The following LTBP2 variants were observed in gnomAD, a reference collection of about 807,000 sequenced individuals.
The protein encoded by LTBP2 is latent transforming growth factor beta binding protein 2, also known as latent-transforming growth factor beta-binding protein 2.
Under a neutral mutation model 210.6 loss-of-function variants are expected in LTBP2, and 103 were observed. The ratio of observed to expected loss-of-function variants is 0.49; its 90% CI spans 0.42 to 0.58. The LOEUF (loss-of-function observed/expected upper bound fraction) is 0.58, where lower values mean the gene tolerates loss of function less well. Ranked by LOEUF, LTBP2 falls within the 20% of genes least tolerant of loss-of-function variation. The pLI, the probability that LTBP2 is intolerant of heterozygous loss-of-function variation, is 0.00. For synonymous variants in LTBP2, 1,007 were observed against 1,015.0 expected (o/e 0.99, Z 0.15); for missense variants, 2,313 against 2,494.5 (o/e 0.93, Z 1.55).
At chr14:74,508,203 G>T in intron 24 of LTBP2, 108 bp from the exon 25 acceptor site, 1 of 1,382,512 alleles carries the variant, frequency 7.2e-7, no homozygotes, top group Non-Finnish European at 1.0e-6. Flanking sequence ...GTCAGGGAGT[G>T]GCTTATGTAG....
Position 74,612,234 on chromosome 14 carries a change from T to C in LTBP2, c.-290A>G, listed in dbSNP as rs1326780614. 1 of 413,606 alleles carries C rather than the reference T, an allele frequency of 2.4e-6. No homozygotes were observed. Among genetic ancestry groups the C allele is most frequent in the Non-Finnish European group, 4.3e-6 (1 of 234,038 alleles). 25.6% of individuals were successfully genotyped at this position (413,606 alleles called of 1,614,324 possible). A position where few individuals can be genotyped will look rare whatever the true frequency, so the allele number is the denominator to read the frequency against. On this transcript the variant is annotated 5_prime_UTR_variant, in exon 1 of 36. Transcript: ENST00000261978. ...GAAGGGGACCCGGACGGTTTTATTT[T>C]TGGAAACCTCCCCCGGCTTTTTCGT...
At chr14:74,545,447 T>C (rs1368533112) in intron 8 of LTBP2, among the ~76,000 whole-genome samples, 4 of 152,182 alleles carry the variant, frequency 2.6e-5, no homozygotes, top group Non-Finnish European at 5.9e-5. Flanking sequence ...AGCAAGAGAA[T>C]CTGTTCTCCC....
Position 74,611,739 on chromosome 14 carries a change from T to C in LTBP2, c.206A>G (p.Tyr69Cys). The C allele has an allele frequency of 6.2e-7, 1 of 1,604,324 alleles. No homozygotes were observed. The highest frequency in any genetic ancestry group is 8.5e-7 in the Non-Finnish European group (1 of 1,178,866). Reference protein sequence around the residue: ...SYPAAAAAKVYSLFREQDAPV... With the variant: ...SYPAAAAAKVCSLFREQDAPV... Reference sequence around the variant, plus strand: ...CGCGTCCTGCTCCCGGAACAGACTGTACACCTTGGCTGCAGCCGCTGCCGG... The same window carrying C: ...CGCGTCCTGCTCCCGGAACAGACTGCACACCTTGGCTGCAGCCGCTGCCGG... The change falls in exon 1 of 36, where the codon TAC becomes TGC. Residue 69 changes from tyrosine (Y) to cysteine (C), a missense_variant. Tyr to Cys is a radical substitution (Grantham distance 194). Coordinates refer to ENST00000261978, the MANE Select transcript of LTBP2 (RefSeq NM_000428.3).
Position 74,506,077 on chromosome 14 carries a change from T to A in LTBP2, c.4148A>T (p.Glu1383Val). Residue 1383 changes from glutamate to valine, a missense_variant, in exon 28 of 36, where the codon GAG (glutamate) becomes GTG (valine). Coordinates refer to ENST00000261978, the MANE Select transcript of LTBP2 (RefSeq NM_000428.3). ...ASDLEEYDAQEGHCRPRGAGG... is the reference protein window; with the variant it reads ...ASDLEEYDAQVGHCRPRGAGG... ...AGCCCCCCGTGGGCGGCAGTGCCCC[T>A]CCTGGGCATCGTACTCCTCCAGGTC... 1.2e-6 allele frequency: 2 copies of A among 1,614,108 alleles called. No homozygotes were observed. The highest frequency in any genetic ancestry group is 1.7e-6 in the Non-Finnish European group (2 of 1,180,012).
chr14:74,500,632 G>T lies in LTBP2; in HGVS notation c.*252C>A. The T allele has an allele frequency of 1.7e-6, 1 of 575,014 alleles. No individual in the cohort carries two copies. 35.6% of individuals were successfully genotyped at this position (575,014 alleles called of 1,614,324 possible). A position where few individuals can be genotyped will look rare whatever the true frequency, so the allele number is the denominator to read the frequency against. On this transcript the variant is annotated 3_prime_UTR_variant, in exon 36 of 36. Coordinates refer to ENST00000261978, the MANE Select transcript of LTBP2 (RefSeq NM_000428.3). ...AGCATCCCATAGCAAGGCCAGGAAA[G>T]GTGGTGGACAGGGCCTCATGCGGTG...
intron 2 of LTBP2, among the ~76,000 whole-genome samples, chr14:74,591,598 G>A (rs970901236): frequency 2.0e-5 from 3 of 152,168 alleles, no homozygotes; most frequent in Admixed American, 6.5e-5. Context: ...CACAAGTCTC[G>A]GCAAGATGCC....
intron 31 of LTBP2, 148 bp from the exon 32 acceptor site, chr14:74,503,754 G>A: frequency 7.0e-7 from 1 of 1,435,816 alleles, no homozygotes; most frequent in Non-Finnish European, 9.4e-7. Context: ...GGCCCTCCTG[G>A]GGACAATCTC....
At chr14:74,548,401 G>A (rs2087605154) in intron 8 of LTBP2, among the ~76,000 whole-genome samples, 1 of 151,994 alleles carries the variant, frequency 6.6e-6, no homozygotes. Flanking sequence ...TAAATTGTAA[G>A]CTTGGAGAGG....
chr14:74,516,161 G>A (rs1450114802), intron 18 of LTBP2, among the ~76,000 whole-genome samples: 1 of 152,232 alleles, frequency 6.6e-6, no homozygotes, highest in East Asian at 1.9e-4. Flanking sequence ...GTCCCAGCCA[G>A]TCTCGAGAGC....
intron 8 of LTBP2, among the ~76,000 whole-genome samples, chr14:74,546,688 G>A (rs556661713): frequency 2.6e-5 from 4 of 152,282 alleles, no homozygotes; most frequent in Admixed American, 2.0e-4. Context: ...GGTACAATTC[G>A]TGTTCTGCAC....
chr14:74,567,479 G>C (rs1161129128), intron 3 of LTBP2, among the ~76,000 whole-genome samples: 1 of 152,102 alleles, frequency 6.6e-6, no homozygotes, highest in Non-Finnish European at 1.5e-5. Flanking sequence ...GGTGGGGGTG[G>C]CCCTGAGAGG....
chr14:74,551,381 G>A (rs2087654927), intron 6 of LTBP2, 31 bp from the exon 7 acceptor site: 2 of 1,525,446 alleles, frequency 1.3e-6, no homozygotes, highest in Non-Finnish European at 8.8e-7. Flanking sequence ...CAGAGCCAGG[G>A]AAGCAGGGCC....
At chr14:74,562,115 CAGG>C (rs2087801616) in intron 3 of LTBP2, among the ~76,000 whole-genome samples, 1 of 151,582 alleles carries the variant, frequency 6.6e-6, no homozygotes, top group South Asian at 2.1e-4. Context: ...GAGGCTGAGG[CAGG>C]AGAATTACTT....
chr14:74,592,397 G>A (rs74369913), intron 2 of LTBP2, among the ~76,000 whole-genome samples: 254 of 152,242 alleles, frequency 1.7e-3, no homozygotes, highest in African/African-American at 5.7e-3. Flanking sequence ...AGGTGGGTGC[G>A]GTGGCTCACG....
intron 3 of LTBP2, among the ~76,000 whole-genome samples, chr14:74,584,102 G>A (rs1244338772): frequency 6.6e-6 from 1 of 152,136 alleles, no homozygotes; most frequent in Non-Finnish European, 1.5e-5. Flanking sequence ...TATGCAGGGG[G>A]GCTGTAGAGA....
chr14:74,550,301 C>T (rs1245538907), intron 7 of LTBP2, among the ~76,000 whole-genome samples: 1 of 152,172 alleles, frequency 6.6e-6, no homozygotes, highest in Non-Finnish European at 1.5e-5. Context: ...CTCCAGGGAA[C>T]TGCAGGGTCA....
chr14:74,536,492 A>G (rs2087423559), intron 8 of LTBP2, among the ~76,000 whole-genome samples: 1 of 152,250 alleles, frequency 6.6e-6, no homozygotes, highest in Admixed American at 6.5e-5. Flanking sequence ...AAATAAATAT[A>G]TGAGGTAATA....
chr14:74,610,302 CTG>C (rs1451857342), intron 1 of LTBP2, among the ~76,000 whole-genome samples: 1 of 152,226 alleles, frequency 6.6e-6, no homozygotes, highest in African/African-American at 2.4e-5. Context: ...AAAAGTCACT[CTG>C]AGCAGAAATC....
chr14:74,546,892 G>T (rs11159088), intron 8 of LTBP2, among the ~76,000 whole-genome samples: 84,506 of 152,144 alleles, frequency 0.56, 24,005 homozygotes, highest in Middle Eastern at 0.66. Context: ...ACAGACTCTG[G>T]CCTTTTTCTC....
Sources: allele counts gnomAD v4.1 joint callset (sites outside exome capture counted in the v4.1 genomes callset), GRCh38; gene constraint gnomAD v4.1.1; transcripts MANE v1.5; gene names NCBI Gene and HGNC (gene_info 2026-07-23, HGNC 2026-07-21).